Variants in PYGM observed in about 807,000 individuals in gnomAD.
PYGM encodes the protein glycogen phosphorylase, muscle associated, also known as glycogen phosphorylase, muscle form.
In PYGM, 81 loss-of-function variants were observed where a neutral mutation model predicts 99.3. The ratio of observed to expected loss-of-function variants is 0.82; its 90% confidence interval spans 0.68 to 0.98. The LOEUF (loss-of-function observed/expected upper bound fraction) is 0.98. Ranked by LOEUF, PYGM falls within the 50% of genes least tolerant of loss-of-function variation. PYGM has a pLI of 0.00. For synonymous variants in PYGM, 436 were observed against 451.5 expected, an observed-to-expected ratio of 0.97 and a Z score of 0.44; for missense variants, 1,030 against 1,158.1, an observed-to-expected ratio of 0.89 and a Z score of 1.61.
intron 4 of PYGM, 70 bp downstream of exon 4, chr11:64,758,176 G>C: frequency 1.3e-6 from 2 of 1,520,882 alleles, no homozygotes; most frequent in South Asian, 2.3e-5. Context: ...GACCTTGCCA[G>C]AGATGATAAA....
Position 64,750,498 on chromosome 11 carries a change from G to A in PYGM, c.2055C>T (p.Asn685=), listed in dbSNP as rs755381729. ...SGTGNMKFML[N]GALTIGTMDG... ...CCATGGTGCCAATGGTCAGAGCCCC[G>A]TTGAGCATGAACTTCATGTTGCCGG... Residue 685 remains asparagine (N), a synonymous_variant, in exon 17 of 20, where the codon AAC becomes AAT. Transcript: ENST00000164139. 1.2e-5 allele frequency: 20 copies of A among 1,614,186 alleles called. No homozygotes were observed. Among genetic ancestry groups the A allele is most frequent in the East Asian group, 2.2e-5 (1 of 44,892 alleles).
Position 64,757,919 on chromosome 11 carries a change from A to G in PYGM, c.529-9T>C. ...TCATCGGCCTCCTCCATCTGCACCC[A>G]AGGCAGGTCAGGGAGAAAGGCCAGC... On this transcript the variant is annotated splice_polypyrimidine_tract_variant and intron_variant, in intron 4 of 19. Transcript: ENST00000164139. The G allele has an allele frequency of 6.2e-7, 1 of 1,613,810 alleles. No individual in the cohort carries two copies. Among genetic ancestry groups the G allele is most frequent in the South Asian group, 1.1e-5 (1 of 91,084 alleles).
intron 1 of PYGM, among the ~76,000 whole-genome samples, chr11:64,759,351 T>C (rs2058417646): frequency 6.6e-6 from 1 of 152,050 alleles, no homozygotes; most frequent in Non-Finnish European, 1.5e-5. Context: ...ATGCAGCAAC[T>C]GATGTGTCCT....
intron 12 of PYGM, 86 bp from the exon 13 acceptor site, chr11:64,752,590 C>T: frequency 7.4e-7 from 1 of 1,348,582 alleles, no homozygotes; most frequent in Non-Finnish European, 1.0e-6. Context: ...GTCAGCCAAG[C>T]CCCCTTCACC....
At chr11:64,752,755 C>T (rs528485516) in intron 12 of PYGM, among the ~76,000 whole-genome samples, 1 of 152,316 alleles carries the variant, frequency 6.6e-6, no homozygotes, top group Admixed American at 6.5e-5. Flanking sequence ...CTGGCCTTTT[C>T]CTAACGCCAG....
At chr11:64,751,504 G>GC in intron 15 of PYGM, 38 bp from the exon 16 acceptor site, 3 of 1,614,020 alleles carry the variant, frequency 1.9e-6, no homozygotes, top group Non-Finnish European at 2.5e-6. Flanking sequence ...CTACTGCCTG[G>GC]CCCCCCACCC....
chr11:64,756,136 C>T (rs1301444409), intron 5 of PYGM, among the ~76,000 whole-genome samples: 1 of 152,262 alleles, frequency 6.6e-6, no homozygotes, highest in Non-Finnish European at 1.5e-5. Flanking sequence ...GGGCATCGCC[C>T]TCCCTCCCCA....
intron 18 of PYGM, 21 bp from the exon 19 acceptor site, chr11:64,747,008 A>G (rs1320422700): frequency 6.2e-7 from 1 of 1,612,740 alleles, no homozygotes; most frequent in Non-Finnish European, 8.5e-7. Flanking sequence ...AAGGATAGGC[A>G]TGTGCTATTC....
chr11:64,751,435 A>G lies in PYGM; in HGVS notation c.1859T>C (p.Ile620Thr), dbSNP rs142008108. 620 of 1,614,100 alleles carry G rather than the reference A, an allele frequency of 3.8e-4. No homozygotes were observed. Among genetic ancestry groups the G allele is most frequent in the Admixed American group, 7.5e-4 (45 of 60,016 alleles). The change falls in exon 16 of 20, where the codon ATC becomes ACC. Residue 620 changes from isoleucine to threonine, a missense_variant. Transcript: ENST00000164139. ...AAPGYHMAKM[I>T]IRLVTAIGDV... ...CCCGATGGCTGTGACGAGTCTGATG[A>G]TCATCTTGGCCATGTGGTACCCAGG...
rs1485980428 is a variant in PYGM at position 64,755,473 on chromosome 11, G to A, written c.746C>T (p.Ala249Val). ...VNTMRLWSAKAPNDFNLKDFN... is the reference protein window; with the variant it reads ...VNTMRLWSAKVPNDFNLKDFN... ...GTCCTTGAGGTTGAAGTCATTGGGAGCCTTGGCAGACCAGAGGCGCATGGT... is the reference window on the plus strand; with the variant it reads ...GTCCTTGAGGTTGAAGTCATTGGGAACCTTGGCAGACCAGAGGCGCATGGT... The change falls in exon 6 of 20, where the codon GCT becomes GTT. Residue 249 changes from alanine to valine, a missense_variant. Coordinates refer to ENST00000164139, the MANE Select transcript of PYGM (RefSeq NM_005609.4). This position sits in a 1 kb window ranked among gnomAD's most constrained non-coding sequence, Gnocchi z 4.1. 1.2e-6 allele frequency: 2 copies of A among 1,614,180 alleles called. No individual in the cohort carries two copies. Among genetic ancestry groups the A allele is most frequent in the South Asian group, 2.2e-5 (2 of 91,090 alleles).
chr11:64,747,569 C>A, intron 17 of PYGM: 1 of 609,236 alleles, frequency 1.6e-6, no homozygotes, highest in Non-Finnish European at 2.9e-6. Flanking sequence ...AAACTGAGGC[C>A]CGGAGGATAC....
chr11:64,746,675 G>A lies in PYGM; in HGVS notation c.2513C>T (p.Pro838Leu), dbSNP rs765365572. ...TCTGGAGGCTCAGATGGCCTCATCC[G>A]GGGCTGGCAGGCGCTGGCGGGAAGG... is the stretch of plus-strand genomic sequence containing the variant. Reference protein sequence around the residue: ...VEPSRQRLPAPDEAI With the variant: ...VEPSRQRLPALDEAI Residue 838 changes from proline (P) to leucine (L), a missense_variant, in exon 20 of 20, where the codon CCG becomes CTG. Coordinates refer to ENST00000164139, the MANE Select transcript of PYGM (RefSeq NM_005609.4). The A allele has an allele frequency of 1.9e-6, 3 of 1,614,136 alleles. No homozygotes were observed. The highest frequency in any genetic ancestry group is 1.7e-5 in the Admixed American group (1 of 60,018).
Position 64,754,449 on chromosome 11 carries a change from T to C in PYGM, c.1000-104A>G. On this transcript the variant is annotated intron_variant, in intron 8 of 19. Transcript: ENST00000164139. The surrounding 1 kb of genome is among the most constrained non-coding windows in gnomAD (Gnocchi z 5.5). ...CCCCAGAGAGCCCAGCACGGTTCTG[T>C]GACTGGGCTGTGGGCAGAGGCAGGC... 1 of 998,900 alleles carries C rather than the reference T, an allele frequency of 1.0e-6. No individual in the cohort carries two copies. Among genetic ancestry groups the C allele is most frequent in the East Asian group, 3.7e-5 (1 of 26,714 alleles). The allele number at this position is 998,900 out of a possible 1,614,324, so 61.9% of individuals were successfully genotyped here.
intron 17 of PYGM, 99 bp from the exon 18 acceptor site, chr11:64,747,457 G>C: frequency 6.5e-7 from 1 of 1,542,046 alleles, no homozygotes; most frequent in Non-Finnish European, 8.9e-7. Context: ...TCAAAACCCA[G>C]GTCCAGCCTG....
Position 64,750,522 on chromosome 11 carries a change from G to C in PYGM, c.2031C>G (p.Thr677=). 8 of 1,614,176 alleles carry C rather than the reference G, an allele frequency of 5.0e-6. No individual in the cohort carries two copies. The highest frequency in any genetic ancestry group is 6.8e-6 in the Non-Finnish European group (8 of 1,180,032). Residue 677 remains threonine, a synonymous_variant, in exon 17 of 20, where the codon ACC becomes ACG. Transcript: ENST00000164139. The part of the protein sequence containing the change: ...ISTAGTEASG[T]GNMKFMLNGA... Reference sequence around the variant, plus strand: ...CGTTGAGCATGAACTTCATGTTGCCGGTGCCTGAGGCTTCAGTGCCCGCAG... The same window carrying C: ...CGTTGAGCATGAACTTCATGTTGCCCGTGCCTGAGGCTTCAGTGCCCGCAG...
chr11:64,758,942 T>C (rs900890660), intron 1 of PYGM, among the ~76,000 whole-genome samples: 2 of 7,010 alleles, frequency 2.9e-4, no homozygotes, highest in Non-Finnish European at 8.3e-4. Context: ...ATCTGGGAAA[T>C]AGCGCTGGCC....
In PYGM at chr11:64,755,516, G is replaced by A. The variant is rs373533637; in HGVS notation, c.703C>T (p.Arg235Cys). The A allele has an allele frequency of 2.0e-5, 33 of 1,614,010 alleles. No individual in the cohort carries two copies. The highest frequency in any genetic ancestry group is 2.2e-5 in the Non-Finnish European group (26 of 1,180,012). ...MPYDTPVPGY[R>C]NNVVNTMRLW... ...CGCATGGTGTTGACAACATTGTTGC[G>A]ATAGCCAGGCACGGGCGTATCGTAG... Residue 235 changes from arginine (R) to cysteine (C), a missense_variant, in exon 6 of 20, where the codon CGC (arginine) becomes TGC (cysteine). Physicochemically the swap from Arg to Cys is radical, Grantham distance 180. Coordinates refer to ENST00000164139, the MANE Select transcript of PYGM (RefSeq NM_005609.4). The surrounding 1 kb of genome is among the most constrained non-coding windows in gnomAD (Gnocchi z 4.1).
rs751807745 is a variant in PYGM, at chr11:64,746,974, C to T, written c.2326G>A (p.Ala776Thr). 27 of 1,613,990 alleles carry T rather than the reference C, an allele frequency of 1.7e-5. No individual in the cohort carries two copies. The highest frequency in any genetic ancestry group is 2.7e-5 in the African/African-American group (2 of 74,896). The change falls in exon 19 of 20, where the codon GCA becomes ACA. Residue 776 changes from alanine (A) to threonine (T), a missense_variant. Transcript: ENST00000164139. ...CATTTAATGTAGTCTTCATAATCTG[C>T]GAAGACTTTAAACCTGGAGGGGAAA... ...LMHHDRFKVF[A>T]DYEDYIKCQE...
At position 64,755,458 on chromosome 11, in the gene PYGM, T is replaced by A. The variant is rs149067043; in HGVS notation, c.761A>T (p.Asn254Ile). Residue 254 changes from asparagine to isoleucine, a missense_variant, in exon 6 of 20, where the codon AAC (asparagine) becomes ATC (isoleucine). Transcript: ENST00000164139. The surrounding 1 kb of genome is among the most constrained non-coding windows in gnomAD (Gnocchi z 4.1). ...GTGGATGAACTCACAGTCCTTGAGGTTGAAGTCATTGGGAGCCTTGGCAGA... is the reference window on the plus strand; with the variant it reads ...GTGGATGAACTCACAGTCCTTGAGGATGAAGTCATTGGGAGCCTTGGCAGA... ...LWSAKAPNDF[N>I]LKDFNVGGYI... The A allele has an allele frequency of 5.8e-5, 94 of 1,614,024 alleles. 1 individual carries two copies. The African/African-American group carries it at 1.2e-3, about 21-fold the overall frequency.
Sources: allele counts gnomAD v4.1 joint callset (sites outside exome capture counted in the v4.1 genomes callset), GRCh38; gene constraint gnomAD v4.1.1; non-coding constraint Gnocchi (gnomAD v3.1); transcripts MANE v1.5; gene names NCBI Gene and HGNC (gene_info 2026-07-23, HGNC 2026-07-21).